Variants in CCSER1 observed in about 807,000 individuals in gnomAD.
The protein encoded by CCSER1 is serine-rich coiled-coil domain-containing protein 1.
A neutral mutation model predicts 82.0 loss-of-function variants in CCSER1; 41 were observed. The ratio of observed to expected loss-of-function variants is 0.50; its 90% CI spans 0.39 to 0.65. CCSER1 has a LOEUF of 0.65. Among genes scored for constraint, CCSER1 ranks in the 30% least tolerant of loss-of-function variants. The probability of loss-of-function intolerance (pLI) is 0.00; values close to 1 mark genes in which losing one functional copy is unlikely to be tolerated. For missense variants in CCSER1, 1,119 were observed against 1,064.2 expected (o/e 1.05, Z -0.72); for synonymous variants, 414 against 383.9 (o/e 1.08, Z -0.92).
chr4:90,302,639 A>G (rs1186784322), intron 1 of CCSER1, among the ~76,000 whole-genome samples: 1 of 152,058 alleles, frequency 6.6e-6, no homozygotes, highest in Non-Finnish European at 1.5e-5. Context: ...TGTCTCTATG[A>G]AATTTTTTTT....
intron 10 of CCSER1, among the ~76,000 whole-genome samples, chr4:91,113,341 T>C (rs1327995770): frequency 3.9e-5 from 6 of 152,226 alleles, no homozygotes; most frequent in African/African-American, 1.4e-4. Flanking sequence ...CTGATAGCAA[T>C]TTCTCAATCA....
intron 10 of CCSER1, among the ~76,000 whole-genome samples, chr4:91,580,837 G>T (rs1763694094): frequency 1.3e-5 from 2 of 151,456 alleles, no homozygotes; most frequent in South Asian, 4.1e-4. Flanking sequence ...TATTTTTTCA[G>T]ATCTTTTCAT....
At chr4:90,756,332 A>T (rs1269314648) in intron 7 of CCSER1, among the ~76,000 whole-genome samples, 1 of 152,188 alleles carries the variant, frequency 6.6e-6, no homozygotes, top group African/African-American at 2.4e-5. Context: ...GGTTTGTATA[A>T]CTTTGTAGTA....
intron 1 of CCSER1, among the ~76,000 whole-genome samples, chr4:90,143,890 ATGT>A (rs1725298064): frequency 2.0e-5 from 3 of 150,588 alleles, no homozygotes; most frequent in African/African-American, 7.3e-5. Flanking sequence ...GGGTCTCCTT[ATGT>A]TACTTAGGTT....
intron 5 of CCSER1, among the ~76,000 whole-genome samples, chr4:90,478,731 CT>C (rs59376887): frequency 0.063 from 8,342 of 133,162 alleles, 246 homozygotes; most frequent in African/African-American, 0.15. Flanking sequence ...TTCTTTCTTT[CT>C]TTTTTTTTTT....
chr4:91,340,434 C>T (rs1256643029), intron 10 of CCSER1, among the ~76,000 whole-genome samples: 1 of 151,924 alleles, frequency 6.6e-6, no homozygotes, highest in Non-Finnish European at 1.5e-5. Flanking sequence ...GATATAATTC[C>T]ATGAAGAATG....
chr4:90,395,834 G>A (rs903998937), intron 3 of CCSER1, among the ~76,000 whole-genome samples: 1 of 151,350 alleles, frequency 6.6e-6, no homozygotes, highest in Non-Finnish European at 1.5e-5. Flanking sequence ...AGCACTTTGG[G>A]AGGCCAAAGC....
intron 10 of CCSER1, among the ~76,000 whole-genome samples, chr4:91,132,720 A>G (rs949431116): frequency 6.6e-6 from 1 of 152,196 alleles, no homozygotes; most frequent in African/African-American, 2.4e-5. Context: ...GCATCTAAAC[A>G]TTTATGAAGT....
rs76029653 is a variant in CCSER1 at position 90,356,374 on chromosome 4, A to T, written c.1509+43327A>T. On this transcript the variant is annotated intron_variant, in intron 3 of 10. Coordinates refer to ENST00000509176, the MANE Select transcript of CCSER1 (RefSeq NM_001145065.2). ...TATGTAGTTATTTTAAATCATAAAT[A>T]TTGAAATGATTGTATTTATAACATT... 3.1e-3 allele frequency among the ~76,000 whole-genome samples: 477 copies of T among 151,898 alleles called. 2 individuals are homozygous for T. The highest frequency in any genetic ancestry group is 0.011 in the African/African-American group (448 of 41,560).
At chr4:90,900,943 T>TA in intron 8 of CCSER1, among the ~76,000 whole-genome samples, 2 of 152,016 alleles carry the variant, frequency 1.3e-5, no homozygotes, top group Non-Finnish European at 2.9e-5. Flanking sequence ...TCTAGTAGTA[T>TA]TTGTTCTATA....
chr4:90,864,594 G>A (rs1249077185), intron 8 of CCSER1, among the ~76,000 whole-genome samples: 1 of 151,964 alleles, frequency 6.6e-6, no homozygotes, highest in East Asian at 1.9e-4. Flanking sequence ...ATTCAGCCAA[G>A]TAAACTTCCA....
At chr4:90,935,417 G>A (rs1033363135) in intron 9 of CCSER1, among the ~76,000 whole-genome samples, 1 of 152,054 alleles carries the variant, frequency 6.6e-6, no homozygotes, top group Admixed American at 6.5e-5. Context: ...AGTAGGTTGA[G>A]ACTTTCACCA....
At position 91,092,364 on chromosome 4, in the gene CCSER1, G is replaced by C. The variant is rs1724049890; in HGVS notation, c.2217+6370G>C. 3.9e-5 allele frequency among the ~76,000 whole-genome samples: 6 copies of C among 152,280 alleles called. No individual in the cohort carries two copies. In the South Asian group the frequency reaches 1.2e-3, roughly 32 times the overall value. On this transcript the variant is annotated intron_variant, in intron 10 of 10. Coordinates refer to ENST00000509176, the MANE Select transcript of CCSER1 (RefSeq NM_001145065.2). The stretch of plus-strand genomic sequence containing the variant: ...AGCTTTTTCAGTTCATGTTGGATAA[G>C]CCTCTACCCACCCAGAGTAAGTACA...
intron 7 of CCSER1, among the ~76,000 whole-genome samples, chr4:90,787,749 T>C (rs1754712918): frequency 6.6e-6 from 1 of 151,908 alleles, no homozygotes; most frequent in South Asian, 2.1e-4. Context: ...TGATTAGAGG[T>C]CAAAGTGACC....
intron 10 of CCSER1, among the ~76,000 whole-genome samples, chr4:91,131,761 A>G (rs1408496216): frequency 2.6e-5 from 4 of 152,082 alleles, no homozygotes. Context: ...GAATCTATCA[A>G]TACTCATTGG....
At chr4:90,963,553 A>G (rs6532262) in intron 9 of CCSER1, among the ~76,000 whole-genome samples, 116,237 of 151,894 alleles carry the variant, frequency 0.77, 45,077 homozygotes, top group Non-Finnish European at 0.83. Flanking sequence ...ATGAAAGTAC[A>G]CCCTAATCCA....
At chr4:90,950,594 G>A (rs1475027376) in intron 9 of CCSER1, among the ~76,000 whole-genome samples, 1 of 152,006 alleles carries the variant, frequency 6.6e-6, no homozygotes, top group Non-Finnish European at 1.5e-5. Flanking sequence ...AGAGAGAAAG[G>A]AAGTCATCTC....
intron 3 of CCSER1, among the ~76,000 whole-genome samples, chr4:90,329,992 G>A (rs555472822): frequency 6.6e-6 from 1 of 151,888 alleles, no homozygotes; most frequent in South Asian, 2.1e-4. Flanking sequence ...TTCAAAATAG[G>A]CAATAACTTC....
chr4:90,578,570 T>C (rs1781031638), intron 5 of CCSER1, among the ~76,000 whole-genome samples: 1 of 152,192 alleles, frequency 6.6e-6, no homozygotes, highest in Admixed American at 6.5e-5. Flanking sequence ...CAAAGTGATA[T>C]ATTTAAGGAC....
Sources: gnomAD v4.1 joint callset for allele counts (sites outside exome capture counted in the v4.1 genomes callset) on GRCh38, gnomAD v4.1.1 for gene constraint, MANE v1.5 for transcripts, NCBI Gene and HGNC (gene_info 2026-07-23, HGNC 2026-07-21) for gene names.